TNFRSF21: variants seen among roughly 807,000 people sequenced by gnomAD.
TNFRSF21 encodes TNF receptor superfamily member 21, also known as tumor necrosis factor receptor superfamily member 21.
A neutral mutation model predicts 45.6 loss-of-function variants in TNFRSF21; 19 were observed. That is an observed-to-expected ratio of 0.42 (90% CI 0.29 to 0.61). The LOEUF is 0.61. Among genes scored for constraint, TNFRSF21 ranks in the 20% least tolerant of loss-of-function variants. The pLI is 0.23. For synonymous variants in TNFRSF21, 314 were observed against 335.5 expected, an observed-to-expected ratio of 0.94 and a Z score of 0.70; for missense variants, 737 against 851.5, an observed-to-expected ratio of 0.87 and a Z score of 1.67.
In TNFRSF21 at chr6:47,232,155, CAT is replaced by C. The variant is rs1297072595; in HGVS notation, c.*608_*609del. The C allele has an allele frequency of 6.6e-6, 1 of 152,556 alleles. No homozygotes were observed. Among genetic ancestry groups the C allele is most frequent in the African/African-American group, 2.4e-5 (1 of 41,406 alleles). The allele number at this position is 152,556 out of a possible 1,614,324, so 9.5% of individuals were successfully genotyped here. A position where few individuals can be genotyped will look rare whatever the true frequency, so the allele number is the denominator to read the frequency against. On this transcript the variant is annotated 3_prime_UTR_variant, in exon 6 of 6. Coordinates refer to ENST00000296861, the MANE Select transcript of TNFRSF21 (RefSeq NM_014452.5). ...AGCCATGAATATGAACTATACAAGA[CAT>C]ATTTAAAAGATAACTCAAAGTTGAA...
At position 47,232,624 on chromosome 6, in the gene TNFRSF21, A is replaced by AACACACACACACACACACACACACAC; in HGVS notation, c.*115_*140dup. The stretch of plus-strand genomic sequence containing the variant: ...CAAGCACTGGCCATATTCTCTGTTA[A>AACACACACACACACACACACACACAC]ACACACACACACACACACACACACA... On this transcript the variant is annotated 3_prime_UTR_variant, in exon 6 of 6. Transcript: ENST00000296861. 1.8e-6 allele frequency: 1 copy of AACACACACACACACACACACACACAC among 562,132 alleles called. No individual in the cohort carries two copies. Among genetic ancestry groups the AACACACACACACACACACACACACAC allele is most frequent in the South Asian group, 2.3e-5 (1 of 43,210 alleles). The allele number at this position is 562,132 out of a possible 1,614,324, so 34.8% of individuals were successfully genotyped here. A position where few individuals can be genotyped will look rare whatever the true frequency, so the allele number is the denominator to read the frequency against.
At chr6:47,271,069 T>C (rs1244595103) in intron 3 of TNFRSF21, among the ~76,000 whole-genome samples, 1 of 152,130 alleles carries the variant, frequency 6.6e-6, no homozygotes, top group Non-Finnish European at 1.5e-5. Context: ...ATGGGGAGAA[T>C]GGAACCAAGT....
In TNFRSF21 at chr6:47,245,475, T is replaced by TGC. The variant is rs1554149612; in HGVS notation, c.1509+7780_1509+7781insGC. Among the ~76,000 whole-genome samples, 12 of 151,628 alleles carry TGC rather than the reference T, an allele frequency of 7.9e-5. 1 individual carries two copies. The South Asian group carries it at 1.0e-3, about 13-fold the overall frequency. ...GTGTGTGTTTGTGTGTGTGTGTGTG[T>TGC]GTGTTGGGCAGGGAGTGTATATTAA... On this transcript the variant is annotated intron_variant, in intron 4 of 5. Transcript: ENST00000296861.
chr6:47,241,976 G>A (rs1764751897), intron 4 of TNFRSF21, among the ~76,000 whole-genome samples: 1 of 152,104 alleles, frequency 6.6e-6, no homozygotes, highest in African/African-American at 2.4e-5. Context: ...GACAGCGAGG[G>A]CCATCTGCTG....
chr6:47,276,219 G>C (rs1762495748), intron 3 of TNFRSF21, among the ~76,000 whole-genome samples: 3 of 152,166 alleles, frequency 2.0e-5, no homozygotes, highest in Admixed American at 1.3e-4. Flanking sequence ...AGGTACACCT[G>C]TGAGGTGGAC....
chr6:47,285,903 C>G, intron 2 of TNFRSF21, 41 bp downstream of exon 2: 1 of 1,595,228 alleles, frequency 6.3e-7, no homozygotes, highest in Non-Finnish European at 8.5e-7. Flanking sequence ...CCACTGGGCT[C>G]AAAGCCTTCC....
intron 3 of TNFRSF21, among the ~76,000 whole-genome samples, chr6:47,261,840 C>T (rs949435541): frequency 2.6e-4 from 40 of 152,254 alleles, no homozygotes; most frequent in African/African-American, 9.4e-4. Context: ...AACATACCCA[C>T]ATGTACCTGT....
In TNFRSF21 at chr6:47,232,624, A is replaced by AACACACACACACACACACACACAC; in HGVS notation, c.*117_*140dup. 1.8e-6 allele frequency: 1 copy of AACACACACACACACACACACACAC among 562,132 alleles called. No individual in the cohort carries two copies. Among genetic ancestry groups the AACACACACACACACACACACACAC allele is most frequent in the South Asian group, 2.3e-5 (1 of 43,210 alleles). The allele number at this position is 562,132 out of a possible 1,614,324, so 34.8% of individuals were successfully genotyped here. A position where few individuals can be genotyped will look rare whatever the true frequency, so the allele number is the denominator to read the frequency against. ...CAAGCACTGGCCATATTCTCTGTTA[A>AACACACACACACACACACACACAC]ACACACACACACACACACACACACA... is the stretch of plus-strand genomic sequence containing the variant. On this transcript the variant is annotated 3_prime_UTR_variant, in exon 6 of 6. Transcript: ENST00000296861.
chr6:47,233,060 G>C lies in TNFRSF21; in HGVS notation c.1739-66C>G, dbSNP rs546879736. 9 of 1,467,746 alleles carry C rather than the reference G, an allele frequency of 6.1e-6. No homozygotes were observed. In the South Asian group the frequency reaches 1.0e-4, roughly 17 times the overall value. The allele number at this position is 1,467,746 out of a possible 1,614,324, so 90.9% of individuals were successfully genotyped here. On this transcript the variant is annotated intron_variant, in intron 5 of 5. Transcript: ENST00000296861. The stretch of plus-strand genomic sequence containing the variant: ...CTGTACTGGCAAGGCCTGGAGGAAG[G>C]AGAGCAGGGTCCTAGAGAGAGAGAC...
In TNFRSF21 at chr6:47,264,062, G is replaced by A. The variant is rs1453315092; in HGVS notation, c.1244-10541C>T. Among the ~76,000 whole-genome samples the A allele has an allele frequency of 2.0e-5, 3 of 152,114 alleles. No individual in the cohort carries two copies. In the East Asian group the frequency reaches 5.8e-4, roughly 29 times the overall value. On this transcript the variant is annotated intron_variant, in intron 3 of 5. Transcript: ENST00000296861. ...AAATTCCTCTTCTTCTGCAAAATCT[G>A]CTTACATAATACCTGACCAGGTTGA...
At chr6:47,243,622 T>C (rs1204030141) in intron 4 of TNFRSF21, among the ~76,000 whole-genome samples, 1 of 152,172 alleles carries the variant, frequency 6.6e-6, no homozygotes, top group Non-Finnish European at 1.5e-5. Context: ...TTCACCATGT[T>C]GGCCAGGCTG....
Position 47,232,672 on chromosome 6 carries a change from C to T in TNFRSF21, c.*93G>A, listed in dbSNP as rs1283980951. The T allele has an allele frequency of 1.6e-5, 18 of 1,114,816 alleles. No individual in the cohort carries two copies. The highest frequency in any genetic ancestry group is 2.3e-5 in the Non-Finnish European group (17 of 755,144). 69.1% of individuals were successfully genotyped at this position (1,114,816 alleles called of 1,614,324 possible). The stretch of plus-strand genomic sequence containing the variant: ...ACACACACACACAAACACACACACA[C>T]ACCCCAAACAACAAAAATCAGAAAC... On this transcript the variant is annotated 3_prime_UTR_variant, in exon 6 of 6. Transcript: ENST00000296861.
intron 4 of TNFRSF21, among the ~76,000 whole-genome samples, chr6:47,246,997 C>T (rs1764834220): frequency 6.6e-6 from 1 of 152,170 alleles, no homozygotes; most frequent in African/African-American, 2.4e-5. Context: ...TCCATCACCA[C>T]AAGTGAGTTA....
intron 3 of TNFRSF21, among the ~76,000 whole-genome samples, chr6:47,259,184 A>G (rs1173382961): frequency 1.3e-5 from 2 of 152,250 alleles, no homozygotes; most frequent in Non-Finnish European, 2.9e-5. Context: ...GCTTGGCAGG[A>G]TGCCCAGTCA....
chr6:47,277,153 C>T lies in TNFRSF21; in HGVS notation c.1243+6785G>A, dbSNP rs187487433. On this transcript the variant is annotated intron_variant, in intron 3 of 5. Coordinates refer to ENST00000296861, the MANE Select transcript of TNFRSF21 (RefSeq NM_014452.5). ...GGATTACAGGCGCCCGCCACCACGCCTGGTTAATTTTATATTTTTAGTAGA... is the reference window on the plus strand; with the variant it reads ...GGATTACAGGCGCCCGCCACCACGCTTGGTTAATTTTATATTTTTAGTAGA... Among the ~76,000 whole-genome samples the T allele has an allele frequency of 2.9e-3, 439 of 152,286 alleles. 3 individuals carry two copies. The highest frequency in any genetic ancestry group is 9.8e-3 in the African/African-American group (406 of 41,546).
intron 1 of TNFRSF21, among the ~76,000 whole-genome samples, chr6:47,305,166 C>T (rs1017871275): frequency 2.9e-4 from 44 of 152,150 alleles, no homozygotes; most frequent in African/African-American, 1.0e-3. Flanking sequence ...GAGTAAAACC[C>T]AACCAGCACT....
intron 1 of TNFRSF21, among the ~76,000 whole-genome samples, chr6:47,300,389 T>C (rs1225306220): frequency 2.0e-5 from 3 of 152,194 alleles, no homozygotes; most frequent in Admixed American, 2.0e-4. Context: ...GTAATCCCCA[T>C]CTTCATTGTC....
intron 1 of TNFRSF21, among the ~76,000 whole-genome samples, chr6:47,301,668 T>G (rs1049886663): frequency 1.3e-5 from 2 of 152,110 alleles, no homozygotes. Flanking sequence ...AGCCTAGCAC[T>G]TCCTTCCCTC....
chr6:47,238,382 C>T (rs1181305023), intron 4 of TNFRSF21, among the ~76,000 whole-genome samples: 3 of 152,222 alleles, frequency 2.0e-5, no homozygotes, highest in East Asian at 1.9e-4. Flanking sequence ...TTTGGAGAAA[C>T]TTGAAAACTA....
Sources: gnomAD v4.1 joint callset for allele counts (sites outside exome capture counted in the v4.1 genomes callset) on GRCh38, gnomAD v4.1.1 for gene constraint, MANE v1.5 for transcripts, NCBI Gene and HGNC (gene_info 2026-07-23, HGNC 2026-07-21) for gene names.